Variants in TERB2 observed in about 807,000 individuals in gnomAD.
The protein encoded by TERB2 is telomere repeat binding bouquet formation protein 2, also known as telomere repeats-binding bouquet formation protein 2.
Under a neutral mutation model 29.8 loss-of-function variants are expected in TERB2, and 26 were observed. That is an observed-to-expected ratio of 0.87 (90% CI 0.64 to 1.21). The LOEUF (loss-of-function observed/expected upper bound fraction) is 1.21. Ranked by LOEUF, TERB2 falls within the 50% of genes most tolerant of loss-of-function variation. The pLI is 0.00. For missense variants in TERB2, 240 were observed against 268.6 expected, an observed-to-expected ratio of 0.89 and a Z score of 0.74; for synonymous variants, 80 against 90.8, an observed-to-expected ratio of 0.88 and a Z score of 0.68.
At chr15:44,969,002 T>TCACTGCA (rs1357932922) in intron 5 of TERB2, among the ~76,000 whole-genome samples, 1 of 152,044 alleles carries the variant, frequency 6.6e-6, no homozygotes, top group East Asian at 1.9e-4. Flanking sequence ...TGATCATAGC[T>TCACTGCA]CACTGCAACC....
intron 2 of TERB2, 95 bp downstream of exon 2, chr15:44,957,072 G>C: frequency 7.7e-7 from 1 of 1,298,712 alleles, no homozygotes; most frequent in Non-Finnish European, 1.1e-6. Context: ...GATGAGGCTG[G>C]GCGCGGTGGC....
chr15:44,958,165 C>A (rs1470477158), intron 2 of TERB2, among the ~76,000 whole-genome samples: 1 of 152,090 alleles, frequency 6.6e-6, no homozygotes, highest in Non-Finnish European at 1.5e-5. Context: ...ATTAACCAAC[C>A]CTGTAAAGCT....
intron 2 of TERB2, 122 bp downstream of exon 2, chr15:44,957,099 A>G: frequency 1.9e-6 from 2 of 1,042,250 alleles, no homozygotes; most frequent in East Asian, 2.7e-5. Context: ...CTATAATCCC[A>G]GCTACTGGGA....
At chr15:44,971,581 C>T (rs1222842284) in intron 5 of TERB2, among the ~76,000 whole-genome samples, 1 of 152,022 alleles carries the variant, frequency 6.6e-6, no homozygotes, top group African/African-American at 2.4e-5. Context: ...CAGTTAAACC[C>T]CGTGTCTACT....
At chr15:44,972,082 C>T (rs1266878735) in intron 5 of TERB2, among the ~76,000 whole-genome samples, 3 of 150,838 alleles carry the variant, frequency 2.0e-5, no homozygotes, top group Non-Finnish European at 4.4e-5. Context: ...CTCCGCCTCC[C>T]AGGTTCAAGT....
intron 4 of TERB2, among the ~76,000 whole-genome samples, chr15:44,965,539 T>TTTATATA (rs1891874864): frequency 6.9e-6 from 1 of 144,430 alleles, no homozygotes; most frequent in Non-Finnish European, 1.5e-5. Context: ...ATATTATACA[T>TTTATATA]TTATATATTA....
intron 5 of TERB2, among the ~76,000 whole-genome samples, chr15:44,969,468 C>G (rs993093006): frequency 2.0e-5 from 3 of 151,588 alleles, no homozygotes; most frequent in Non-Finnish European, 4.4e-5. Flanking sequence ...TGGTCTTGAA[C>G]TTCTGGGCCC....
intron 5 of TERB2, among the ~76,000 whole-genome samples, chr15:44,972,850 T>G (rs950076440): frequency 2.6e-5 from 4 of 152,054 alleles, no homozygotes; most frequent in Admixed American, 2.6e-4. Flanking sequence ...ATATACATTT[T>G]TTTAGATTTT....
In TERB2 at chr15:44,975,904, A is replaced by T. The variant is rs542610471; in HGVS notation, c.523+1949A>T. ...ATGTGATTAATAAGAGTAAGAAAGC[A>T]ATTACTAATAATTGTAAATACTTTG... On this transcript the variant is annotated intron_variant, in intron 6 of 6. Transcript: ENST00000340827. 4.0e-4 allele frequency among the ~76,000 whole-genome samples: 61 copies of T among 152,340 alleles called. 1 individual carries two copies. In the South Asian group the frequency reaches 0.013, roughly 32 times the overall value.
At chr15:44,966,615 ATTAT>A (rs1386862207) in intron 5 of TERB2, among the ~76,000 whole-genome samples, 1 of 152,204 alleles carries the variant, frequency 6.6e-6, no homozygotes, top group African/African-American at 2.4e-5. Context: ...CAGTTAATAA[ATTAT>A]TTAAAAATTA....
chr15:44,959,529 G>A (rs767956429), intron 3 of TERB2, among the ~76,000 whole-genome samples: 6 of 151,890 alleles, frequency 4.0e-5, no homozygotes, highest in South Asian at 2.1e-4. Context: ...CACCACACCC[G>A]GCTAATTTTT....
At chr15:44,965,670 A>G (rs569690466) in intron 4 of TERB2, among the ~76,000 whole-genome samples, 9 of 148,168 alleles carry the variant, frequency 6.1e-5, no homozygotes, top group Non-Finnish European at 1.0e-4. Context: ...TATATAGTGA[A>G]GCAAATACTT....
chr15:44,976,619 G>A (rs949963495), intron 6 of TERB2, among the ~76,000 whole-genome samples: 6 of 152,146 alleles, frequency 3.9e-5, no homozygotes, highest in South Asian at 2.1e-4. Context: ...GTACAAAATC[G>A]TAGTGGACTG....
intron 5 of TERB2, among the ~76,000 whole-genome samples, chr15:44,966,795 T>C (rs1233537752): frequency 6.6e-6 from 1 of 152,182 alleles, no homozygotes; most frequent in Non-Finnish European, 1.5e-5. Context: ...CTTTAATATA[T>C]TACGTTGGTT....
At chr15:44,969,113 TAGAC>T (rs997279197) in intron 5 of TERB2, among the ~76,000 whole-genome samples, 12 of 151,154 alleles carry the variant, frequency 7.9e-5, no homozygotes, top group African/African-American at 2.7e-4. Context: ...AAAAATTAAT[TAGAC>T]AGGGTCTCGC....
chr15:44,969,963 A>C (rs2141243438), intron 5 of TERB2: 1 of 152,038 alleles, frequency 6.6e-6, no homozygotes, highest in South Asian at 2.1e-4. Flanking sequence ...TAGTTTGTTA[A>C]GTAATTTCTT....
rs1891755654 is a variant in TERB2 at position 44,958,485 on chromosome 15, AT to A, written c.261del (p.Leu88PhefsTer10). ...IKNSVALGHF[I>X]LPPACLQKEI... The stretch of plus-strand genomic sequence containing the variant: ...AAACTCGGTGGCTTTGGGTCATTTC[AT>A]TCTTCCTCCTGCGTGCCTGCAAAAA... On this transcript the variant is annotated frameshift_variant, in exon 3 of 7. Transcript: ENST00000340827. LOFTEE classifies it high-confidence loss of function. The A allele has an allele frequency of 6.2e-7, 1 of 1,613,642 alleles. No individual in the cohort carries two copies. The highest frequency in any genetic ancestry group is 1.7e-5 in the Admixed American group (1 of 59,918).
chr15:44,966,679 G>A (rs540785123), intron 5 of TERB2, among the ~76,000 whole-genome samples: 2 of 152,074 alleles, frequency 1.3e-5, no homozygotes, highest in Admixed American at 6.6e-5. Flanking sequence ...AACTACAAAA[G>A]AATCTTAAAA....
At chr15:44,972,910 T>C (rs1891992159) in intron 5 of TERB2, among the ~76,000 whole-genome samples, 1 of 147,020 alleles carries the variant, frequency 6.8e-6, no homozygotes, top group Non-Finnish European at 1.5e-5. Flanking sequence ...TGAGGTGGAG[T>C]CTCGTTCTGT....
Sources: gnomAD v4.1 joint callset for allele counts (sites outside exome capture counted in the v4.1 genomes callset) on GRCh38, gnomAD v4.1.1 for gene constraint, MANE v1.5 for transcripts, NCBI Gene and HGNC (gene_info 2026-07-23, HGNC 2026-07-21) for gene names.